The following ZNF385B variants were observed in gnomAD, a reference collection of about 807,000 sequenced individuals.
The protein encoded by ZNF385B is zinc finger protein 385B, also known as zinc finger protein 533.
Under a neutral mutation model 39.2 loss-of-function variants are expected in ZNF385B, and 23 were observed. The ratio of observed to expected loss-of-function variants is 0.59; its 90% CI spans 0.42 to 0.83. The LOEUF (loss-of-function observed/expected upper bound fraction) is 0.83, where lower values mean the gene tolerates loss of function less well. ZNF385B is among the 40% of genes least tolerant of loss of function. ZNF385B has a pLI of 0.00. For missense variants in ZNF385B, 552 were observed against 598.9 expected (o/e 0.92, Z 0.82); for synonymous variants, 205 against 222.6 (o/e 0.92, Z 0.70).
intron 6 of ZNF385B, among the ~76,000 whole-genome samples, chr2:179,449,573 T>C (rs2049868776): frequency 6.6e-6 from 1 of 152,102 alleles, no homozygotes; most frequent in African/African-American, 2.4e-5. Context: ...CAAGGAGAAC[T>C]AGAAACCACT....
At chr2:179,810,557 G>T (rs1352858707) in intron 1 of ZNF385B, among the ~76,000 whole-genome samples, 4 of 151,930 alleles carry the variant, frequency 2.6e-5, no homozygotes, top group Non-Finnish European at 5.9e-5. Context: ...ACATTAAGGA[G>T]TGTGTTCCAT....
rs2054011895 is a variant in ZNF385B at position 179,481,689 on chromosome 2, A to G, written c.715+1583T>C. On this transcript the variant is annotated intron_variant, in intron 6 of 9. Transcript: ENST00000410066. ...CCTCCATTGTTTTATCATTTTACTT[A>G]TATGTTTTGCTGGAAGGTAAAGAGC... Among the ~76,000 whole-genome samples the G allele has an allele frequency of 3.3e-5, 5 of 152,216 alleles. No homozygotes were observed. In the South Asian group the frequency reaches 1.0e-3, roughly 32 times the overall value.
intron 1 of ZNF385B, among the ~76,000 whole-genome samples, chr2:179,815,665 T>G (rs1707018936): frequency 6.6e-6 from 1 of 152,210 alleles, no homozygotes; most frequent in African/African-American, 2.4e-5. Context: ...CATTCAACAC[T>G]ACTCTAGCGC....
chr2:179,623,937 A>G (rs1053131976), intron 3 of ZNF385B, among the ~76,000 whole-genome samples: 7 of 152,168 alleles, frequency 4.6e-5, no homozygotes, highest in African/African-American at 1.7e-4. Flanking sequence ...AGAATATCCT[A>G]TGTTTCCTTC....
At chr2:179,691,522 C>G (rs1424307861) in intron 3 of ZNF385B, among the ~76,000 whole-genome samples, 4 of 152,126 alleles carry the variant, frequency 2.6e-5, no homozygotes, top group Non-Finnish European at 4.4e-5. Flanking sequence ...CTCCGAGGAA[C>G]AAAAACACAC....
chr2:179,754,855 A>G (rs1418527524), intron 3 of ZNF385B, among the ~76,000 whole-genome samples: 1 of 151,634 alleles, frequency 6.6e-6, no homozygotes, highest in Non-Finnish European at 1.5e-5. Context: ...GTGGTCTATC[A>G]ATTTTGTTGA....
At chr2:179,540,937 T>C (rs570722355) in intron 4 of ZNF385B, among the ~76,000 whole-genome samples, 1 of 152,260 alleles carries the variant, frequency 6.6e-6, no homozygotes, top group South Asian at 2.1e-4. Context: ...GTAGCAATGG[T>C]GAAAATGAGC....
chr2:179,472,476 A>T (rs1210105000), intron 6 of ZNF385B, among the ~76,000 whole-genome samples: 1 of 152,218 alleles, frequency 6.6e-6, no homozygotes, highest in Admixed American at 6.5e-5. Context: ...AAATCATAAG[A>T]CACTGATAGA....
At chr2:179,816,548 G>T (rs1225531817) in intron 1 of ZNF385B, among the ~76,000 whole-genome samples, 1 of 152,132 alleles carries the variant, frequency 6.6e-6, no homozygotes, top group Non-Finnish European at 1.5e-5. Context: ...ACCTGATTAG[G>T]CTTCCTGGGA....
chr2:179,712,923 C>A (rs1298098023), intron 3 of ZNF385B, among the ~76,000 whole-genome samples: 1 of 152,156 alleles, frequency 6.6e-6, no homozygotes, highest in Non-Finnish European at 1.5e-5. Context: ...ATTTTGACTT[C>A]TGATCTTTTT....
At chr2:179,728,871 T>A (rs936311268) in intron 3 of ZNF385B, among the ~76,000 whole-genome samples, 2 of 152,010 alleles carry the variant, frequency 1.3e-5, no homozygotes, top group African/African-American at 4.8e-5. Context: ...AAAGATTAAG[T>A]CAGGAAACTA....
At chr2:179,484,951 T>C (rs1396483140) in intron 5 of ZNF385B, among the ~76,000 whole-genome samples, 2 of 152,134 alleles carry the variant, frequency 1.3e-5, no homozygotes, top group Non-Finnish European at 2.9e-5. Flanking sequence ...GCTGGAGAAG[T>C]GCTTACATAG....
At chr2:179,635,472 C>T (rs776739312) in intron 3 of ZNF385B, among the ~76,000 whole-genome samples, 7 of 151,710 alleles carry the variant, frequency 4.6e-5, no homozygotes, top group Non-Finnish European at 1.0e-4. Context: ...ATATGGCACA[C>T]GTATACCTAT....
chr2:179,550,832 A>T (rs1335501931), intron 3 of ZNF385B, among the ~76,000 whole-genome samples: 1 of 146,524 alleles, frequency 6.8e-6, no homozygotes, highest in South Asian at 2.2e-4. Context: ...CTTTCTTCTC[A>T]CCTCTGGGTG....
chr2:179,754,146 C>T (rs1386934770), intron 3 of ZNF385B, among the ~76,000 whole-genome samples: 1 of 152,108 alleles, frequency 6.6e-6, no homozygotes, highest in Non-Finnish European at 1.5e-5. Flanking sequence ...GCATGAAGGG[C>T]TGTCGAATTT....
intron 4 of ZNF385B, among the ~76,000 whole-genome samples, chr2:179,537,690 G>A (rs1002689364): frequency 6.6e-6 from 1 of 151,698 alleles, no homozygotes; most frequent in Non-Finnish European, 1.5e-5. Context: ...GCAGTGAGCT[G>A]AGATTGTACC....
At chr2:179,608,131 C>G (rs561262281) in intron 3 of ZNF385B, among the ~76,000 whole-genome samples, 1 of 151,992 alleles carries the variant, frequency 6.6e-6, no homozygotes, top group Non-Finnish European at 1.5e-5. Context: ...CCAGGCTGGT[C>G]TTGAACTCCT....
intron 3 of ZNF385B, among the ~76,000 whole-genome samples, chr2:179,765,005 T>A (rs1703605674): frequency 6.6e-6 from 1 of 152,150 alleles, no homozygotes; most frequent in South Asian, 2.1e-4. Flanking sequence ...TTCTTCTGAA[T>A]CTCATGTTTT....
chr2:179,640,019 C>CA lies in ZNF385B; in HGVS notation c.299-95051dup, dbSNP rs562979307. On this transcript the variant is annotated intron_variant, in intron 3 of 9. Transcript: ENST00000410066. ...CTTAATCTAATCATGAGGAAAGAATCAAACAAATCCAAAAGGAAGGACATT... is the reference window on the plus strand; with the variant it reads ...CTTAATCTAATCATGAGGAAAGAATCAAAACAAATCCAAAAGGAAGGACATT... 7.7e-4 allele frequency among the ~76,000 whole-genome samples: 117 copies of CA among 152,042 alleles called. 1 individual carries two copies. The highest frequency in any genetic ancestry group is 2.8e-4 in the Non-Finnish European group (19 of 67,992).
Sources: allele counts gnomAD v4.1 joint callset (sites outside exome capture counted in the v4.1 genomes callset), GRCh38; gene constraint gnomAD v4.1.1; transcripts MANE v1.5; gene names NCBI Gene and HGNC (gene_info 2026-07-23, HGNC 2026-07-21).